The following ZNF641 variants were observed in gnomAD, a reference collection of about 807,000 sequenced individuals.
The protein encoded by ZNF641 is zinc finger protein 641.
ZNF641 carries 26 observed loss-of-function variants against 46.2 expected under a neutral mutation model. That is an observed-to-expected ratio of 0.56 (90% CI 0.41 to 0.78). The LOEUF (loss-of-function observed/expected upper bound fraction) is 0.78. Ranked by LOEUF, ZNF641 falls within the 30% of genes least tolerant of loss-of-function variation. The pLI is 0.00. For missense variants in ZNF641, 469 were observed against 517.8 expected (o/e 0.91, Z 0.91); for synonymous variants, 163 against 187.9 (o/e 0.87, Z 1.09).
At chr12:48,335,343 G>T (rs567145513), downstream of ZNF641, among the ~76,000 whole-genome samples, 4 of 152,312 alleles carry the variant, frequency 2.6e-5, no homozygotes, top group African/African-American at 4.8e-5. Context: ...AGTTAAGAAG[G>T]CTGCAATACT....
chr12:48,350,196 C>T (rs1952990599), intron 1 of ZNF641: 2 of 1,547,900 alleles, frequency 1.3e-6, no homozygotes, highest in Non-Finnish European at 1.7e-6. Flanking sequence ...CCCTTTTCTT[C>T]ACACATATGG....
chr12:48,343,802 G>A (rs1300655256), intron 5 of ZNF641, 75 bp from the exon 6 acceptor site: 1 of 1,380,674 alleles, frequency 7.2e-7, no homozygotes, highest in African/African-American at 1.5e-5. Flanking sequence ...CACAAATGAG[G>A]TTGTCTGATA....
rs759131277 is a variant in ZNF641 at position 48,347,240 on chromosome 12, A to G, written c.276+12T>C. On this transcript the variant is annotated intron_variant, in intron 3 of 5. Transcript: ENST00000547026. ...TGGGACCACAGGAGACGCCAAGGGA[A>G]GCAGAGCTCACCTGTGATCCAGCCG... 6.8e-6 allele frequency: 11 copies of G among 1,613,786 alleles called. No individual in the cohort carries two copies. The highest frequency in any genetic ancestry group is 1.3e-5 in the African/African-American group (1 of 74,940).
chr12:48,343,769 A>G (rs574914927), intron 5 of ZNF641, 42 bp from the exon 6 acceptor site: 17 of 1,439,210 alleles, frequency 1.2e-5, no homozygotes, highest in Admixed American at 3.0e-5. Flanking sequence ...GAAGAGTCAC[A>G]AGAGAGTGCT....
At chr12:48,337,111 A>C (rs1952614919), downstream of ZNF641, 1 of 152,268 alleles carries the variant, frequency 6.6e-6, no homozygotes, top group Non-Finnish European at 1.5e-5. Flanking sequence ...GTTCTGTGGT[A>C]GTCTTTTTTG....
chr12:48,335,721 GGCATTCCCAAGAACA>G (rs111736560), downstream of ZNF641, among the ~76,000 whole-genome samples: 210 of 152,320 alleles, frequency 1.4e-3, no homozygotes, highest in African/African-American at 4.4e-3. Flanking sequence ...CTCAGCCAGA[GGCATTCCCAAGAACA>G]GCTAATCTCA....
chr12:48,344,374 A>T, intron 5 of ZNF641: 1 of 367,824 alleles, frequency 2.7e-6, no homozygotes. Context: ...AAGAAACCAA[A>T]GGGAGTTTTA....
intron 4 of ZNF641, 69 bp from the exon 5 acceptor site, chr12:48,344,781 AT>A: frequency 5.0e-6 from 4 of 800,770 alleles, no homozygotes; most frequent in East Asian, 2.6e-5. Context: ...TGAAAAAAAA[AT>A]ACAAAAAACT....
chr12:48,348,766 A>G (rs1952951033), intron 1 of ZNF641, among the ~76,000 whole-genome samples: 1 of 152,240 alleles, frequency 6.6e-6, no homozygotes, highest in Non-Finnish European at 1.5e-5. Flanking sequence ...TAAGACTCCA[A>G]AGTAATCCTA....
chr12:48,347,140 T>C (rs772523197), intron 3 of ZNF641, 112 bp downstream of exon 3: 1 of 1,571,744 alleles, frequency 6.4e-7, no homozygotes, highest in Non-Finnish European at 8.6e-7. Flanking sequence ...AGTTATAAGA[T>C]GAACATACCA....
rs1952738734 is a variant in ZNF641, at chr12:48,342,325, A to G, written c.*648T>C. On this transcript the variant is annotated 3_prime_UTR_variant, in exon 6 of 6. Coordinates refer to ENST00000547026, the MANE Select transcript of ZNF641 (RefSeq NM_001172681.2). ...TGGCATAAGGAAGACAGACCCACACATGAACAAGGTCTGGCCCCCCTGGCT... is the reference window on the plus strand; with the variant it reads ...TGGCATAAGGAAGACAGACCCACACGTGAACAAGGTCTGGCCCCCCTGGCT... The G allele has an allele frequency of 8.1e-6, 8 of 985,838 alleles. No homozygotes were observed. Among genetic ancestry groups the G allele is most frequent in the Non-Finnish European group, 8.4e-6 (7 of 830,262 alleles). The allele number at this position is 985,838 out of a possible 1,614,324, so 61.1% of individuals were successfully genotyped here.
chr12:48,345,354 C>G lies in ZNF641; in HGVS notation c.397G>C (p.Val133Leu). ...AGAAGGTCATGCTTACTCAGAGAGA[C>G]TACTATCCCACAGTTTTCCTGCATG... Reference protein sequence around the residue: ...YVMQENCGIVVSLRFPIPKLD... With the variant: ...YVMQENCGIVLSLRFPIPKLD... Residue 133 changes from valine to leucine, a missense_variant, in exon 4 of 6, where the codon GTC becomes CTC. Physicochemically the swap from Val to Leu is conservative, Grantham distance 32 (BLOSUM62 1). Around this residue, in one of 3 missense-constraint regions of ZNF641, gnomAD observed 25 missense variants for 58.1 expected, o/e 0.43. Transcript: ENST00000547026. The G allele has an allele frequency of 6.2e-7, 1 of 1,613,986 alleles. No individual in the cohort carries two copies. The highest frequency in any genetic ancestry group is 8.5e-7 in the Non-Finnish European group (1 of 1,179,930).
downstream of ZNF641, among the ~76,000 whole-genome samples, chr12:48,335,051 C>T (rs1031094096): frequency 1.6e-4 from 24 of 152,206 alleles, no homozygotes; most frequent in Admixed American, 1.4e-3. Context: ...CCATGGGTTT[C>T]GCTAAGGTGC....
At position 48,339,424 on chromosome 12, in the gene ZNF641, G is replaced by C. The variant is rs867563883; in HGVS notation, c.*3549C>G. On this transcript the variant is annotated 3_prime_UTR_variant, in exon 6 of 6. Transcript: ENST00000547026. ...TCTGATTCAGTAGTTCTCCTGGGGC[G>C]GGGGCTAAGAATTTGCATTTCAAAC... 1 of 152,172 alleles carries C rather than the reference G, an allele frequency of 6.6e-6. No individual in the cohort carries two copies. The highest frequency in any genetic ancestry group is 2.4e-5 in the African/African-American group (1 of 41,436). 9.4% of individuals were successfully genotyped at this position (152,172 alleles called of 1,614,324 possible). A position where few individuals can be genotyped will look rare whatever the true frequency, so the allele number is the denominator to read the frequency against.
rs1952624319 is a variant in ZNF641, at chr12:48,337,574, ACT to A, written c.*5397_*5398del. On this transcript the variant is annotated 3_prime_UTR_variant, in exon 6 of 6. Coordinates refer to ENST00000547026, the MANE Select transcript of ZNF641 (RefSeq NM_001172681.2). The stretch of plus-strand genomic sequence containing the variant: ...GGTGGCTCAGGCCTGTAATCCCAGC[ACT>A]TTGGGAGGCCAAGGTGGGTGGATCA... 1.3e-5 allele frequency: 2 copies of A among 151,988 alleles called. No homozygotes were observed. Among genetic ancestry groups the A allele is most frequent in the Admixed American group, 1.3e-4 (2 of 15,220 alleles). 9.4% of individuals were successfully genotyped at this position (151,988 alleles called of 1,614,324 possible).
rs911652371 is a variant in ZNF641 at position 48,339,861 on chromosome 12, G to A, written c.*3112C>T. On this transcript the variant is annotated 3_prime_UTR_variant, in exon 6 of 6. Coordinates refer to ENST00000547026, the MANE Select transcript of ZNF641 (RefSeq NM_001172681.2). Reference sequence around the variant, plus strand: ...TAAGGCGTAAAGTGTAAATAGCCTGGTGAAAAGCTAACACTTTCGGTTACA... The same window carrying A: ...TAAGGCGTAAAGTGTAAATAGCCTGATGAAAAGCTAACACTTTCGGTTACA... 9.9e-6 allele frequency: 9 copies of A among 907,090 alleles called. No individual in the cohort carries two copies. In the African/African-American group the frequency reaches 1.4e-4, roughly 14 times the overall value. 56.2% of individuals were successfully genotyped at this position (907,090 alleles called of 1,614,324 possible).
In ZNF641 at chr12:48,350,390, T is replaced by C. The variant is rs1012607866; in HGVS notation, c.-26+396A>G. The C allele has an allele frequency of 4.1e-5, 16 of 387,638 alleles. No individual in the cohort carries two copies. In the East Asian group the frequency reaches 7.1e-4, roughly 17 times the overall value. 24.0% of individuals were successfully genotyped at this position (387,638 alleles called of 1,614,324 possible). ...GGAGCCTGCTCAGGGGTAAGGTTGC[T>C]TCTTCCCTTCTTCTTGTCACAGTGC... On this transcript the variant is annotated intron_variant, in intron 1 of 5. Coordinates refer to ENST00000547026, the MANE Select transcript of ZNF641 (RefSeq NM_001172681.2).
downstream of ZNF641, among the ~76,000 whole-genome samples, chr12:48,334,599 T>A (rs530583067): frequency 6.6e-6 from 1 of 151,410 alleles, no homozygotes; most frequent in South Asian, 2.1e-4. Flanking sequence ...TGCAGCACCG[T>A]AATTAAGTTT....
At chr12:48,349,953 G>T in intron 1 of ZNF641, 1 of 1,480,766 alleles carries the variant, frequency 6.8e-7, no homozygotes, top group Non-Finnish European at 9.4e-7. Flanking sequence ...TCTTTGTGCA[G>T]AGCCCATTGG....
Sources: gnomAD v4.1 joint callset for allele counts (sites outside exome capture counted in the v4.1 genomes callset) on GRCh38, gnomAD v4.1.1 for gene constraint, gnomAD v4.1.1 regional missense constraint, MANE v1.5 for transcripts, NCBI Gene and HGNC (gene_info 2026-07-23, HGNC 2026-07-21) for gene names.